OGN: variants seen among roughly 807,000 people sequenced by gnomAD.
OGN encodes osteoglycin.
In OGN, 19 loss-of-function variants were observed where a neutral mutation model predicts 30.8. That is an observed-to-expected ratio of 0.62 (90% CI 0.43 to 0.90). The LOEUF (loss-of-function observed/expected upper bound fraction) is 0.90. OGN is among the 40% of genes least tolerant of loss of function. OGN has a pLI of 0.00. For synonymous variants in OGN, 126 were observed against 128.3 expected, an observed-to-expected ratio of 0.98 and a Z score of 0.12; for missense variants, 283 against 349.7, an observed-to-expected ratio of 0.81 and a Z score of 1.52.
In OGN at chr9:92,390,039, C is replaced by A; in HGVS notation, c.445G>T (p.Asp149Tyr). The change falls in exon 5 of 7, where the codon GAT (aspartate) becomes TAT (tyrosine). Residue 149 changes from aspartate (D) to tyrosine (Y), a missense_variant. Asp to Tyr is a radical substitution (Grantham distance 160, BLOSUM62 -3). Transcript: ENST00000375561. Reference sequence around the variant, plus strand: ...TCTTCTATCAAATTTCCTGTAAAATCGAGTCTTCTTAAGTTAGCTAGAGGG... The same window carrying A: ...TCTTCTATCAAATTTCCTGTAAAATAGAGTCTTCTTAAGTTAGCTAGAGGG... ...FADIPNLRRL[D>Y]FTGNLIEDIE... is the part of the protein sequence containing the mutation. 1 of 1,597,792 alleles carries A rather than the reference C, an allele frequency of 6.3e-7. No individual in the cohort carries two copies. Among genetic ancestry groups the A allele is most frequent in the South Asian group, 1.1e-5 (1 of 89,432 alleles).
At chr9:92,396,406 T>C (rs1842892600) in intron 3 of OGN, among the ~76,000 whole-genome samples, 1 of 152,200 alleles carries the variant, frequency 6.6e-6, no homozygotes, top group Admixed American at 6.5e-5. Context: ...AGGATTTTGA[T>C]TGGGATTGTG....
chr9:92,401,127 G>A lies in OGN; in HGVS notation c.233C>T (p.Ala78Val), dbSNP rs146105137. 1.8e-4 allele frequency: 275 copies of A among 1,544,858 alleles called. No individual in the cohort carries two copies. The highest frequency in any genetic ancestry group is 2.4e-4 in the Non-Finnish European group (264 of 1,119,018). Reference sequence around the variant, plus strand: ...TTTCTTGGGAGGTAATGGTGTTATTGCCTCATCTTTTTGTAATTGAAGACT... The same window carrying A: ...TTTCTTGGGAGGTAATGGTGTTATTACCTCATCTTTTTGTAATTGAAGACT... The part of the protein sequence containing the change: ...EKSLQLQKDE[A>V]ITPLPPKKEN... Residue 78 changes from alanine (A) to valine (V), a missense_variant, in exon 3 of 7, where the codon GCA (alanine) becomes GTA (valine). Physicochemically the swap from Ala to Val is moderately conservative, Grantham distance 64. Transcript: ENST00000375561.
At chr9:92,402,972 T>A (rs917463161) in intron 2 of OGN, among the ~76,000 whole-genome samples, 1 of 152,224 alleles carries the variant, frequency 6.6e-6, no homozygotes, top group South Asian at 2.1e-4. Context: ...TGGTGAGGGA[T>A]CATCTTAAAG....
chr9:92,403,756 T>C, intron 1 of OGN: 1 of 635,036 alleles, frequency 1.6e-6, no homozygotes, highest in East Asian at 1.3e-4. Flanking sequence ...TGAAATATTC[T>C]TAGGATACCT....
Position 92,386,213 on chromosome 9 carries a change from T to TA in OGN, c.713dup (p.Ile239AsnfsTer14). ...GGAACTATCATACCTGAAGATGAAT[T>TA]ACACGTAGACTTTCTGGTAAATTAA... On this transcript the variant is annotated frameshift_variant, in exon 6 of 7. Transcript: ENST00000375561. LOFTEE classifies it high-confidence loss of function. 6.2e-7 allele frequency: 1 copy of TA among 1,606,166 alleles called. No individual in the cohort carries two copies. Among genetic ancestry groups the TA allele is most frequent in the Non-Finnish European group, 8.5e-7 (1 of 1,172,928 alleles).
intron 4 of OGN, among the ~76,000 whole-genome samples, chr9:92,391,062 C>T (rs1210212082): frequency 5.9e-5 from 9 of 151,398 alleles, no homozygotes; most frequent in Admixed American, 5.9e-4. Context: ...GTCAGGAGTT[C>T]GAGACCAGCC....
rs1329285714 is a variant in OGN, at chr9:92,403,427, A to G, written c.-20T>C. The G allele has an allele frequency of 6.3e-7, 1 of 1,588,336 alleles. No individual in the cohort carries two copies. Among genetic ancestry groups the G allele is most frequent in the South Asian group, 1.2e-5 (1 of 86,156 alleles). On this transcript the variant is annotated 5_prime_UTR_variant, in exon 2 of 7. Coordinates refer to ENST00000375561, the MANE Select transcript of OGN (RefSeq NM_014057.5). The stretch of plus-strand genomic sequence containing the variant: ...CTTCATTTTAGCAAAAATCAAGGTG[A>G]CTGGAAGTTAATAAACTAGTGGCCT...
At chr9:92,386,379 G>C in intron 5 of OGN, 83 bp from the exon 6 acceptor site, 2 of 816,716 alleles carry the variant, frequency 2.4e-6, no homozygotes, top group Non-Finnish European at 4.3e-6. Context: ...GTGCATATGA[G>C]TATATGTCTA....
intron 4 of OGN, among the ~76,000 whole-genome samples, chr9:92,392,883 A>G (rs1331997405): frequency 6.6e-6 from 1 of 152,234 alleles, no homozygotes; most frequent in Non-Finnish European, 1.5e-5. Context: ...TGAAGTCACC[A>G]GTAAAGAAAG....
At chr9:92,403,628 C>T in intron 1 of OGN, 146 bp from the exon 2 acceptor site, 1 of 1,192,710 alleles carries the variant, frequency 8.4e-7, no homozygotes. Context: ...TATCAGTGAA[C>T]ATTCTGAAAA....
At position 92,393,150 on chromosome 9, in the gene OGN, T is replaced by G. The variant is rs1444352984; in HGVS notation, c.363A>C (p.Ser121=). Residue 121 remains serine (S), a synonymous_variant, in exon 4 of 7, where the codon TCA becomes TCC. Transcript: ENST00000375561. ...IDAVPPLPKE[S]AYLYARFNKI... ...TGTTGAATCGTGCGTAAAGATAGGC[T>G]GATTCCTTTGGTAAGGGTGGTACAG... 1 of 1,613,884 alleles carries G rather than the reference T, an allele frequency of 6.2e-7. No individual in the cohort carries two copies. The highest frequency in any genetic ancestry group is 2.2e-5 in the East Asian group (1 of 44,844).
chr9:92,389,867 G>C lies in OGN; in HGVS notation c.617C>G (p.Ala206Gly), dbSNP rs1364992289. ...YNKIKSRGIKANAFKKLNNLT... is the reference protein window; with the variant it reads ...YNKIKSRGIKGNAFKKLNNLT... ...TAAAATACTTACTTTGAATGCATTT[G>C]CTTTGATTCCCCTACTCTTGATTTT... Residue 206 changes from alanine to glycine, a missense_variant, in exon 5 of 7, where the codon GCA becomes GGA. Transcript: ENST00000375561. 1.6e-5 allele frequency: 26 copies of C among 1,607,070 alleles called. No homozygotes were observed. Among genetic ancestry groups the C allele is most frequent in the Non-Finnish European group, 2.2e-5 (26 of 1,174,594 alleles).
upstream of OGN, chr9:92,404,697 A>T (rs1472431883): frequency 8.1e-7 from 1 of 1,232,604 alleles, no homozygotes; most frequent in East Asian, 6.5e-5. Context: ...GGTGAAATGC[A>T]GTGTGTTGTA....
At chr9:92,397,157 A>G (rs1189727133) in intron 3 of OGN, among the ~76,000 whole-genome samples, 4 of 152,080 alleles carry the variant, frequency 2.6e-5, no homozygotes, top group Non-Finnish European at 5.9e-5. Context: ...AGCATGGGTA[A>G]TAGAGCGAGA....
chr9:92,392,395 G>A (rs1012490044), intron 4 of OGN, among the ~76,000 whole-genome samples: 54 of 152,070 alleles, frequency 3.6e-4, no homozygotes, highest in African/African-American at 1.3e-3. Flanking sequence ...AGGCCGAGGC[G>A]GGCGGATCAC....
At chr9:92,404,338 T>G (rs1843236665) in intron 1 of OGN, among the ~76,000 whole-genome samples, 158 bp downstream of exon 1, 1 of 152,198 alleles carries the variant, frequency 6.6e-6, no homozygotes, top group African/African-American at 2.4e-5. Flanking sequence ...GCGTGGATGT[T>G]AAATTTATGC....
In OGN at chr9:92,385,614, T is replaced by C. The variant is rs769692036; in HGVS notation, c.*6A>G. The C allele has an allele frequency of 6.2e-6, 10 of 1,612,586 alleles. 1 individual carries two copies. Among genetic ancestry groups the C allele is most frequent in the South Asian group, 4.4e-5 (4 of 91,010 alleles). On this transcript the variant is annotated 3_prime_UTR_variant, in exon 7 of 7. Coordinates refer to ENST00000375561, the MANE Select transcript of OGN (RefSeq NM_014057.5). ...TACTTTCATTTATATGTTGTACCAATAGAGGTTAAAAGTATGACCCTATCG... is the reference window on the plus strand; with the variant it reads ...TACTTTCATTTATATGTTGTACCAACAGAGGTTAAAAGTATGACCCTATCG...
chr9:92,390,174 A>G, intron 4 of OGN, 118 bp from the exon 5 acceptor site: 1 of 627,474 alleles, frequency 1.6e-6, no homozygotes, highest in South Asian at 2.1e-5. Context: ...TGCCTGGTAG[A>G]CTGTTTACAA....
At chr9:92,394,372 A>G (rs2130906916) in intron 3 of OGN, among the ~76,000 whole-genome samples, 1 of 150,326 alleles carries the variant, frequency 6.7e-6, no homozygotes, top group African/African-American at 2.4e-5. Flanking sequence ...CCTCCTGAGT[A>G]GCTGGGATTA....
Sources: gnomAD v4.1 joint callset for allele counts (sites outside exome capture counted in the v4.1 genomes callset) on GRCh38, gnomAD v4.1.1 for gene constraint, MANE v1.5 for transcripts, NCBI Gene and HGNC (gene_info 2026-07-23, HGNC 2026-07-21) for gene names.